Variants in NUDT7 observed in about 807,000 individuals in gnomAD.
The protein encoded by NUDT7 is nudix hydrolase 7, also known as peroxisomal coenzyme A diphosphatase NUDT7.
In NUDT7, 19 loss-of-function variants were observed where a neutral mutation model predicts 13.1. The observed-to-expected ratio is 1.45, with a 90% CI of 1.01 to 2.13. The LOEUF (loss-of-function observed/expected upper bound fraction) is 2.13. Ranked by LOEUF, NUDT7 falls within the 30% of genes most tolerant of loss-of-function variation. NUDT7 has a pLI of 0.00. For missense variants in NUDT7, 360 were observed against 291.7 expected, an observed-to-expected ratio of 1.23 and a Z score of -1.71; for synonymous variants, 132 against 109.7, an observed-to-expected ratio of 1.20 and a Z score of -1.27.
chr16:77,725,344 C>G, intron 1 of NUDT7, 87 bp from the exon 2 acceptor site: 2 of 1,268,132 alleles, frequency 1.6e-6, no homozygotes, highest in Non-Finnish European at 2.2e-6. Flanking sequence ...CCTAAATACA[C>G]AACAAAGCAG....
chr16:77,731,907 T>C (rs1035445576), intron 2 of NUDT7, among the ~76,000 whole-genome samples: 2 of 152,138 alleles, frequency 1.3e-5, no homozygotes, highest in East Asian at 3.8e-4. Flanking sequence ...AATGAAAATA[T>C]TTTGTATAGC....
intron 2 of NUDT7, among the ~76,000 whole-genome samples, chr16:77,731,379 A>T (rs997754388): frequency 1.3e-5 from 2 of 152,164 alleles, no homozygotes; most frequent in Non-Finnish European, 2.9e-5. Context: ...GCCCCAAAAG[A>T]TGATAATGGA....
intron 3 of NUDT7, among the ~76,000 whole-genome samples, chr16:77,737,793 T>A (rs1020167941): frequency 2.6e-5 from 4 of 152,062 alleles, no homozygotes; most frequent in African/African-American, 9.7e-5. Context: ...CCTTAATGTT[T>A]TATATATTGG....
At chr16:77,737,882 C>G (rs1213309388) in intron 3 of NUDT7, among the ~76,000 whole-genome samples, 1 of 151,936 alleles carries the variant, frequency 6.6e-6, no homozygotes, top group Non-Finnish European at 1.5e-5. Flanking sequence ...TTAGATGATC[C>G]TTTATGTTCC....
intron 2 of NUDT7, 110 bp from the exon 3 acceptor site, chr16:77,735,718 G>C: frequency 1.0e-6 from 1 of 985,228 alleles, no homozygotes; most frequent in Non-Finnish European, 1.5e-6. Flanking sequence ...CCACCACCTG[G>C]GTAAGAATGG....
intron 2 of NUDT7, among the ~76,000 whole-genome samples, chr16:77,726,885 G>A (rs1188671372): frequency 6.6e-6 from 1 of 152,162 alleles, no homozygotes; most frequent in East Asian, 1.9e-4. Context: ...TCTGCAGGCT[G>A]TACAGGAAGC....
chr16:77,725,701 G>C, intron 2 of NUDT7, 117 bp downstream of exon 2: 1 of 850,612 alleles, frequency 1.2e-6, no homozygotes, highest in Non-Finnish European at 1.8e-6. Context: ...TCAAAATTGT[G>C]ATGTCAGAGG....
chr16:77,735,753 G>T, intron 2 of NUDT7, 75 bp from the exon 3 acceptor site: 1 of 1,344,248 alleles, frequency 7.4e-7, no homozygotes, highest in Non-Finnish European at 1.0e-6. Context: ...TAGAAGTCCA[G>T]TAAGTATTTG....
chr16:77,724,673 G>A (rs549448927), intron 1 of NUDT7, among the ~76,000 whole-genome samples: 57 of 152,260 alleles, frequency 3.7e-4, no homozygotes, highest in Non-Finnish European at 6.8e-4. Flanking sequence ...CTGAAGTTTG[G>A]GGTAGACATG....
intron 2 of NUDT7, among the ~76,000 whole-genome samples, chr16:77,727,480 T>A (rs1329257338): frequency 6.6e-6 from 1 of 152,212 alleles, no homozygotes; most frequent in Non-Finnish European, 1.5e-5. Flanking sequence ...GGGGAAATAC[T>A]TAAATGGAAA....
chr16:77,724,571 C>G (rs1286805230), intron 1 of NUDT7, among the ~76,000 whole-genome samples: 1 of 152,008 alleles, frequency 6.6e-6, no homozygotes, highest in South Asian at 2.1e-4. Flanking sequence ...GCACTGGGCT[C>G]GTTTCTGCTT....
In NUDT7 at chr16:77,741,767, A is replaced by C; in HGVS notation, c.534A>C (p.Thr178=). The C allele has an allele frequency of 6.2e-7, 1 of 1,614,144 alleles. No individual in the cohort carries two copies. Among genetic ancestry groups the C allele is most frequent in the Non-Finnish European group, 8.5e-7 (1 of 1,180,036 alleles). The part of the protein sequence containing the change: ...HRFINHIFEY[T]NPEDGVTYQI... ...TTATTAATCATATCTTTGAGTACAC[A>C]AACCCTGAAGACGGTGTCACTTACC... Residue 178 remains threonine (T), a synonymous_variant, in exon 4 of 4, where the codon ACA becomes ACC. Transcript: ENST00000268533.
chr16:77,741,062 A>AT (rs2014644033), intron 3 of NUDT7, among the ~76,000 whole-genome samples: 2 of 152,220 alleles, frequency 1.3e-5, no homozygotes, highest in South Asian at 4.1e-4. Flanking sequence ...AGTATAGCAC[A>AT]TTTTTTTCTT....
In NUDT7 at chr16:77,741,744, A is replaced by G. The variant is rs373567051; in HGVS notation, c.511A>G (p.Ile171Val). ...HYVTRLGHRF[I>V]NHIFEYTNPE... ...CGTCACACGTCTTGGTCACCGTTTT[A>G]TTAATCATATCTTTGAGTACACAAA... The change falls in exon 4 of 4, where the codon ATT (isoleucine) becomes GTT (valine). Residue 171 changes from isoleucine (I) to valine (V), a missense_variant. Coordinates refer to ENST00000268533, the MANE Select transcript of NUDT7 (RefSeq NM_001105663.3). 6.2e-7 allele frequency: 1 copy of G among 1,614,002 alleles called. No homozygotes were observed. Among genetic ancestry groups the G allele is most frequent in the African/African-American group, 1.3e-5 (1 of 74,898 alleles).
intron 2 of NUDT7, among the ~76,000 whole-genome samples, chr16:77,728,132 C>G (rs11864987): frequency 0.35 from 52,718 of 151,912 alleles, 10,688 homozygotes; most frequent in African/African-American, 0.58. Context: ...ACAAGCAGGG[C>G]GCTGGTAGGA....
At chr16:77,731,280 G>C (rs1177721216) in intron 2 of NUDT7, among the ~76,000 whole-genome samples, 1 of 152,160 alleles carries the variant, frequency 6.6e-6, no homozygotes, top group African/African-American at 2.4e-5. Flanking sequence ...TATGCTATGA[G>C]ATACTTTTGA....
chr16:77,734,138 C>G (rs188274706), intron 2 of NUDT7, among the ~76,000 whole-genome samples: 15,369 of 152,082 alleles, frequency 0.1, 854 homozygotes, highest in African/African-American at 0.16. Flanking sequence ...CAACACAATG[C>G]TAATAGCTCC....
At chr16:77,734,621 CAAAAA>C (rs971222303) in intron 2 of NUDT7, among the ~76,000 whole-genome samples, 1 of 151,372 alleles carries the variant, frequency 6.6e-6, no homozygotes, top group Non-Finnish European at 1.5e-5. Context: ...GACTCCATGT[CAAAAA>C]AGAAAAGAAA....
At chr16:77,723,207 C>T (rs2014018171) in intron 1 of NUDT7, among the ~76,000 whole-genome samples, 1 of 152,180 alleles carries the variant, frequency 6.6e-6, no homozygotes, top group South Asian at 2.1e-4. Context: ...TTTGTCTGGT[C>T]AGTTCTGTGG....
Sources: gnomAD v4.1 joint callset for allele counts (sites outside exome capture counted in the v4.1 genomes callset) on GRCh38, gnomAD v4.1.1 for gene constraint, MANE v1.5 for transcripts, NCBI Gene and HGNC (gene_info 2026-07-23, HGNC 2026-07-21) for gene names.